PNO1: variants seen among roughly 807,000 people sequenced by gnomAD.
PNO1 encodes RNA-binding protein PNO1.
A neutral mutation model predicts 28.4 loss-of-function variants in PNO1; 16 were observed. The observed-to-expected ratio is 0.56, with a 90% CI of 0.38 to 0.85. The LOEUF (loss-of-function observed/expected upper bound fraction) is 0.85. Ranked by LOEUF, PNO1 falls within the 40% of genes least tolerant of loss-of-function variation. PNO1 has a pLI of 0.00. For missense variants in PNO1, 304 were observed against 312.2 expected (o/e 0.97, Z 0.20); for synonymous variants, 115 against 110.8 (o/e 1.04, Z -0.24).
At chr2:68,173,130 C>G (rs953113112) in intron 5 of PNO1, 29 of 223,282 alleles carry the variant, frequency 1.3e-4, no homozygotes, top group Non-Finnish European at 2.0e-4. Flanking sequence ...TTTGGTCTGT[C>G]ACTCAGGTTG....
intron 2 of PNO1, among the ~76,000 whole-genome samples, chr2:68,159,610 C>T (rs1386797548): frequency 2.6e-5 from 4 of 152,032 alleles, no homozygotes; most frequent in East Asian, 1.9e-4. Flanking sequence ...AATCGATAAC[C>T]GAAATTAATT....
At chr2:68,172,403 G>T (rs1394417272) in intron 5 of PNO1, among the ~76,000 whole-genome samples, 3 of 152,200 alleles carry the variant, frequency 2.0e-5, no homozygotes, top group Non-Finnish European at 4.4e-5. Context: ...TTGAGATCTG[G>T]CCTTAGTTGA....
At chr2:68,165,309 A>G (rs1673955007) in intron 5 of PNO1, among the ~76,000 whole-genome samples, 1 of 145,830 alleles carries the variant, frequency 6.9e-6, no homozygotes, top group Non-Finnish European at 1.5e-5. Context: ...GCTTGCAGTG[A>G]GCCGAGATCC....
At chr2:68,168,415 G>A (rs1674046146) in intron 5 of PNO1, among the ~76,000 whole-genome samples, 1 of 152,230 alleles carries the variant, frequency 6.6e-6, no homozygotes, top group Non-Finnish European at 1.5e-5. Context: ...ACTGGGATCA[G>A]TCTCTTGTCC....
rs1249425115 is a variant in PNO1, at chr2:68,165,705, T to C, written c.620+3042T>C. ...CAAAAAAAAAAAGAATTTAGAAATC[T>C]AAAACTAACTGATTTGCCAATGAAA... On this transcript the variant is annotated intron_variant, in intron 5 of 6. Coordinates refer to ENST00000263657, the MANE Select transcript of PNO1 (RefSeq NM_020143.4). Among the ~76,000 whole-genome samples the C allele has an allele frequency of 2.0e-5, 3 of 152,236 alleles. No individual in the cohort carries two copies. In the East Asian group the frequency reaches 5.8e-4, roughly 29 times the overall value.
At chr2:68,173,470 T>C (rs2103694416) in intron 6 of PNO1, 53 bp downstream of exon 6, 2 of 1,127,932 alleles carry the variant, frequency 1.8e-6, no homozygotes, top group South Asian at 2.5e-5. Context: ...AGGAAGTTAA[T>C]TGAGGAAGTC....
chr2:68,162,799 A>G, intron 5 of PNO1, 136 bp downstream of exon 5: 1 of 671,656 alleles, frequency 1.5e-6, no homozygotes, highest in Non-Finnish European at 2.7e-6. Flanking sequence ...TCATAAATCC[A>G]TCATAAATTG....
chr2:68,161,320 G>A (rs1348690528), intron 2 of PNO1: 1 of 475,376 alleles, frequency 2.1e-6, no homozygotes, highest in Admixed American at 2.3e-5. Context: ...TGCCTTGAGA[G>A]AGAAGAGAAG....
At chr2:68,164,237 C>G (rs1312018249) in intron 5 of PNO1, among the ~76,000 whole-genome samples, 1 of 152,174 alleles carries the variant, frequency 6.6e-6, no homozygotes, top group Non-Finnish European at 1.5e-5. Context: ...CATCTGTAAT[C>G]CCAGCACTTT....
rs201777481 is a variant in PNO1 at position 68,158,458 on chromosome 2, T to A, written c.286T>A (p.Phe96Ile). The A allele has an allele frequency of 3.7e-6, 6 of 1,613,202 alleles. No individual in the cohort carries two copies. In the Admixed American group the frequency reaches 1.0e-4, roughly 27 times the overall value. The change falls in exon 2 of 7, where the codon TTT becomes ATT. Residue 96 changes from phenylalanine (F) to isoleucine (I), a missense_variant. Physicochemically the swap from Phe to Ile is conservative, Grantham distance 21. Coordinates refer to ENST00000263657, the MANE Select transcript of PNO1 (RefSeq NM_020143.4). Reference protein sequence around the residue: ...TPLKENWMKIFTPIVEHLGLQ... With the variant: ...TPLKENWMKIITPIVEHLGLQ... ...ATTGAAAGAAAACTGGATGAAGATA[T>A]TTACTCCTATTGTGGAACATTTGGG... is the stretch of plus-strand genomic sequence containing the variant.
chr2:68,170,310 A>G (rs1674093697), intron 5 of PNO1, among the ~76,000 whole-genome samples: 1 of 152,172 alleles, frequency 6.6e-6, no homozygotes, highest in African/African-American at 2.4e-5. Context: ...TGAAGCCTCC[A>G]TTCCTTTCCA....
chr2:68,173,398 C>A lies in PNO1; in HGVS notation c.672C>A (p.Ala224=). 1.3e-6 allele frequency: 2 copies of A among 1,599,378 alleles called. No individual in the cohort carries two copies. Among genetic ancestry groups the A allele is most frequent in the Non-Finnish European group, 1.7e-6 (2 of 1,166,752 alleles). Residue 224 remains alanine, a synonymous_variant, in exon 6 of 7, where the codon GCC becomes GCA. Coordinates refer to ENST00000263657, the MANE Select transcript of PNO1 (RefSeq NM_020143.4). ...AAAATATCAAGATGGCAAGAACTGC[C>A]ATTTGCAACCTAATCTTGGGTAATA... ...SFQNIKMART[A]ICNLILGNPP... is the part of the protein sequence containing the mutation.
chr2:68,161,415 G>T, intron 2 of PNO1: 1 of 462,730 alleles, frequency 2.2e-6, no homozygotes, highest in Middle Eastern at 3.3e-4. Context: ...GAGTCTTGCT[G>T]TTAACCCCAA....
chr2:68,167,580 A>T (rs764191003), intron 5 of PNO1, among the ~76,000 whole-genome samples: 1 of 152,156 alleles, frequency 6.6e-6, no homozygotes, highest in African/African-American at 2.4e-5. Flanking sequence ...TCCTGCATTA[A>T]ATCCTGGTGT....
intron 5 of PNO1, among the ~76,000 whole-genome samples, chr2:68,171,686 A>C (rs1674136495): frequency 1.3e-5 from 2 of 152,174 alleles, no homozygotes; most frequent in South Asian, 4.2e-4. Flanking sequence ...GTGAGCGAGG[A>C]GGCTTGACCA....
At chr2:68,171,187 C>G (rs1304937553) in intron 5 of PNO1, among the ~76,000 whole-genome samples, 1 of 152,190 alleles carries the variant, frequency 6.6e-6, no homozygotes, top group Admixed American at 6.5e-5. Flanking sequence ...GTGTCTATGT[C>G]CTTTCTTCAT....
At chr2:68,168,176 C>CA (rs1674039673) in intron 5 of PNO1, among the ~76,000 whole-genome samples, 1 of 152,226 alleles carries the variant, frequency 6.6e-6, no homozygotes, top group Non-Finnish European at 1.5e-5. Context: ...ACTTATTTAA[C>CA]AGGTTATAGG....
At chr2:68,174,287 GGTTTT>G (rs746701874) in intron 6 of PNO1, among the ~76,000 whole-genome samples, 1 of 91,294 alleles carries the variant, frequency 1.1e-5, no homozygotes, top group Non-Finnish European at 2.0e-5. Context: ...TTTCTGTTAA[GGTTTT>G]TTTTTTTTTT....
At chr2:68,173,242 C>A in intron 5 of PNO1, 105 bp from the exon 6 acceptor site, 1 of 734,652 alleles carries the variant, frequency 1.4e-6, no homozygotes, top group Non-Finnish European at 2.5e-6. Flanking sequence ...GTCTCAGACT[C>A]CTGGCCACAA....
Sources: gnomAD v4.1 joint callset for allele counts (sites outside exome capture counted in the v4.1 genomes callset) on GRCh38, gnomAD v4.1.1 for gene constraint, MANE v1.5 for transcripts, NCBI Gene and HGNC (gene_info 2026-07-23, HGNC 2026-07-21) for gene names.